Variants in ADAMTS14 observed in about 807,000 individuals in gnomAD.
The protein encoded by ADAMTS14 is A disintegrin and metalloproteinase with thrombospondin motifs 14.
Under a neutral mutation model 128.6 loss-of-function variants are expected in ADAMTS14, and 100 were observed. The observed-to-expected ratio is 0.78, with a 90% CI of 0.66 to 0.92. ADAMTS14 has a LOEUF of 0.92. ADAMTS14 is among the 40% of genes least tolerant of loss of function. The pLI, the probability that ADAMTS14 is intolerant of heterozygous loss-of-function variation, is 0.00. For synonymous variants in ADAMTS14, 665 were observed against 653.8 expected, an observed-to-expected ratio of 1.02 and a Z score of -0.26; for missense variants, 1,562 against 1,658.6, an observed-to-expected ratio of 0.94 and a Z score of 1.01.
chr10:70,680,499 G>A (rs72814516), intron 2 of ADAMTS14, among the ~76,000 whole-genome samples: 4,362 of 152,310 alleles, frequency 0.029, 66 homozygotes, highest in Non-Finnish European at 0.038. Context: ...GTAATTCCAA[G>A]GAAATAGTCT....
intron 2 of ADAMTS14, among the ~76,000 whole-genome samples, chr10:70,684,115 A>G (rs1053279541): frequency 1.4e-4 from 21 of 151,988 alleles, no homozygotes; most frequent in African/African-American, 4.8e-4. Flanking sequence ...GGAGTGAGGT[A>G]TCTCGCATGG....
In ADAMTS14 at chr10:70,674,745, A is replaced by C; in HGVS notation, c.272A>C (p.His91Pro). ...SHLRVARSPL[H>P]PGGTLWPGRV... ...CTCCGGGTGGCTCGCAGCCCTCTGC[A>C]CCCAGGAGGGACCCTGTGGCCTGGC... is the stretch of plus-strand genomic sequence containing the variant. The change falls in exon 2 of 22, where the codon CAC (histidine) becomes CCC (proline). Residue 91 changes from histidine to proline, a missense_variant. Physicochemically the swap from His to Pro is moderately conservative, Grantham distance 77. Transcript: ENST00000373207. 6.2e-7 allele frequency: 1 copy of C among 1,613,480 alleles called. No individual in the cohort carries two copies. The highest frequency in any genetic ancestry group is 2.2e-5 in the East Asian group (1 of 44,862).
intron 15 of ADAMTS14, among the ~76,000 whole-genome samples, chr10:70,748,104 A>C (rs1219604006): frequency 6.6e-6 from 1 of 152,200 alleles, no homozygotes; most frequent in Non-Finnish European, 1.5e-5. Context: ...GCCACTTTTC[A>C]TGCGTATGTT....
chr10:70,677,712 G>T (rs970065572), intron 2 of ADAMTS14, among the ~76,000 whole-genome samples: 52 of 152,152 alleles, frequency 3.4e-4, no homozygotes, highest in African/African-American at 1.3e-3. Context: ...CCTGGGAGTG[G>T]TACTCCCTGA....
At chr10:70,697,995 A>G (rs1403802383) in intron 2 of ADAMTS14, among the ~76,000 whole-genome samples, 1 of 152,262 alleles carries the variant, frequency 6.6e-6, no homozygotes, top group Non-Finnish European at 1.5e-5. Flanking sequence ...AGTTTAGCCC[A>G]GCTGAGAGTG....
chr10:70,729,988 T>A (rs1841581853), intron 5 of ADAMTS14, 114 bp from the exon 6 acceptor site: 1 of 1,289,646 alleles, frequency 7.8e-7, no homozygotes, highest in Admixed American at 2.3e-5. Context: ...TTGGGGTGGG[T>A]CCTGCAGTCC....
chr10:70,738,978 G>T lies in ADAMTS14; in HGVS notation c.1736G>T (p.Cys579Phe). ...GGGGTGCGATCCCGCAGCCGGAGCTGCAACAACCCCTCGTGAGTGTGCTTG... is the reference window on the plus strand; with the variant it reads ...GGGGTGCGATCCCGCAGCCGGAGCTTCAACAACCCCTCGTGAGTGTGCTTG... ...GGGVRSRSRS[C>F]NNPSPAYGGR... Residue 579 changes from cysteine to phenylalanine, a missense_variant, in exon 11 of 22, where the codon TGC becomes TTC. Transcript: ENST00000373207. 1 of 1,609,796 alleles carries T rather than the reference G, an allele frequency of 6.2e-7. No homozygotes were observed.
intron 2 of ADAMTS14, among the ~76,000 whole-genome samples, chr10:70,695,768 A>G (rs887615510): frequency 6.6e-6 from 1 of 152,226 alleles, no homozygotes; most frequent in African/African-American, 2.4e-5. Context: ...AGGCTGTTGG[A>G]TAATCACAAA....
Position 70,735,096 on chromosome 10 carries a change from C to G in ADAMTS14, c.1353-73C>G, listed in dbSNP as rs1315511758. The G allele has an allele frequency of 7.1e-6, 11 of 1,552,716 alleles. No individual in the cohort carries two copies. In the East Asian group the frequency reaches 2.5e-4, roughly 35 times the overall value. Reference sequence around the variant, plus strand: ...CTTGCAGGCCTTGCTCATGAAAACCCCAGCCCCTGGGAAGGGAAAGCCTGG... The same window carrying G: ...CTTGCAGGCCTTGCTCATGAAAACCGCAGCCCCTGGGAAGGGAAAGCCTGG... On this transcript the variant is annotated intron_variant, in intron 8 of 21. Coordinates refer to ENST00000373207, the MANE Select transcript of ADAMTS14 (RefSeq NM_080722.4).
In ADAMTS14 at chr10:70,672,833, C is replaced by CT; in HGVS notation, c.32dup (p.Leu12AlafsTer26). 2 of 1,517,892 alleles carry CT rather than the reference C, an allele frequency of 1.3e-6. No homozygotes were observed. The highest frequency in any genetic ancestry group is 1.8e-6 in the Non-Finnish European group (2 of 1,137,286). 94.0% of individuals were successfully genotyped at this position (1,517,892 alleles called of 1,614,324 possible). A position where few individuals can be genotyped will look rare whatever the true frequency, so the allele number is the denominator to read the frequency against. ...TCCACTCCGCGCGCTGCTGTCCTAC[C>CT]TGCTGCCTTTGCACTGTGCGCTCTG... On this transcript the variant is annotated frameshift_variant, in exon 1 of 22. Coordinates refer to ENST00000373207, the MANE Select transcript of ADAMTS14 (RefSeq NM_080722.4). LOFTEE classifies it high-confidence loss of function.
At chr10:70,716,775 C>T (rs1399729944) in intron 4 of ADAMTS14, among the ~76,000 whole-genome samples, 1 of 152,152 alleles carries the variant, frequency 6.6e-6, no homozygotes, top group Non-Finnish European at 1.5e-5. Flanking sequence ...ATTGTGCTCT[C>T]AACCCAGGGA....
intron 2 of ADAMTS14, among the ~76,000 whole-genome samples, chr10:70,695,035 A>T (rs147434103): frequency 6.6e-6 from 1 of 152,040 alleles, no homozygotes; most frequent in Non-Finnish European, 1.5e-5. Flanking sequence ...GCCAACCAAC[A>T]CTGGTTATCT....
At chr10:70,693,455 G>A (rs1044177964) in intron 2 of ADAMTS14, among the ~76,000 whole-genome samples, 1 of 152,262 alleles carries the variant, frequency 6.6e-6, no homozygotes, top group East Asian at 1.9e-4. Context: ...TGAGAATCAC[G>A]GCCGCAGATG....
chr10:70,733,783 C>T (rs376387261), intron 7 of ADAMTS14, 102 bp from the exon 8 acceptor site: 110 of 1,419,758 alleles, frequency 7.7e-5, no homozygotes, highest in African/African-American at 3.9e-4. Flanking sequence ...ATCTGAGCTC[C>T]GGGTCAGGTC....
intron 6 of ADAMTS14, among the ~76,000 whole-genome samples, chr10:70,731,426 C>T (rs928960869): frequency 5.3e-5 from 8 of 152,212 alleles, no homozygotes; most frequent in Non-Finnish European, 1.2e-4. Context: ...GCTCCTCTAA[C>T]ATGAAGGAAT....
In ADAMTS14 at chr10:70,736,758, C is replaced by T. The variant is rs553557226; in HGVS notation, c.1564C>T (p.Pro522Ser). ...GTACTTCTGCAAGACCAAGAAGGGG[C>T]CCCCGCTGGATGGGACTGAGTGTGC... is the stretch of plus-strand genomic sequence containing the variant. Reference protein sequence around the residue: ...NPYFCKTKKGPPLDGTECAPG... With the variant: ...NPYFCKTKKGSPLDGTECAPG... Residue 522 changes from proline to serine, a missense_variant, in exon 10 of 22, where the codon CCC becomes TCC. Coordinates refer to ENST00000373207, the MANE Select transcript of ADAMTS14 (RefSeq NM_080722.4). 2.5e-6 allele frequency: 4 copies of T among 1,613,600 alleles called. No individual in the cohort carries two copies. In the Admixed American group the frequency reaches 5.0e-5, roughly 20 times the overall value.
Position 70,761,033 on chromosome 10 carries a change from A to G in ADAMTS14, c.*180A>G. 2 of 956,602 alleles carry G rather than the reference A, an allele frequency of 2.1e-6. No homozygotes were observed. 59.3% of individuals were successfully genotyped at this position (956,602 alleles called of 1,614,324 possible). A position where few individuals can be genotyped will look rare whatever the true frequency, so the allele number is the denominator to read the frequency against. ...CACAAAGCGGGGTGGGAGGAAGACA[A>G]AGATCAGGGAAAGCCCTAATCGGAG... is the stretch of plus-strand genomic sequence containing the variant. On this transcript the variant is annotated 3_prime_UTR_variant, in exon 22 of 22. Coordinates refer to ENST00000373207, the MANE Select transcript of ADAMTS14 (RefSeq NM_080722.4).
chr10:70,743,454 C>T, intron 12 of ADAMTS14, 94 bp from the exon 13 acceptor site: 2 of 1,449,234 alleles, frequency 1.4e-6, no homozygotes. Flanking sequence ...CCAGAGCTGG[C>T]CCCGGAGCTT....
intron 15 of ADAMTS14, among the ~76,000 whole-genome samples, chr10:70,747,591 C>G (rs1564555571): frequency 6.6e-6 from 1 of 152,224 alleles, no homozygotes; most frequent in Non-Finnish European, 1.5e-5. Context: ...CTTCCACCCT[C>G]TGCTGTCTCC....
Sources: gnomAD v4.1 joint callset for allele counts (sites outside exome capture counted in the v4.1 genomes callset) on GRCh38, gnomAD v4.1.1 for gene constraint, MANE v1.5 for transcripts, NCBI Gene and HGNC (gene_info 2026-07-23, HGNC 2026-07-21) for gene names.